Variants in CFAP92 observed in about 807,000 individuals in gnomAD.
The protein encoded by CFAP92 is cilia and flagella associated protein 92 (putative), also known as uncharacterized protein CFAP92.
Under a neutral mutation model 106.3 loss-of-function variants are expected in CFAP92, and 86 were observed. That is an observed-to-expected ratio of 0.81 (90% confidence interval 0.68 to 0.97). The LOEUF (loss-of-function observed/expected upper bound fraction) is 0.97, where lower values mean the gene tolerates loss of function less well. Ranked by LOEUF, CFAP92 falls within the 50% of genes least tolerant of loss-of-function variation. The pLI is 0.00. For missense variants in CFAP92, 1,204 were observed against 1,283.8 expected (o/e 0.94, Z 0.95); for synonymous variants, 477 against 506.4 (o/e 0.94, Z 0.78).
At chr3:128,957,423 T>C (rs115241542) in intron 9 of CFAP92, among the ~76,000 whole-genome samples, 1,631 of 152,294 alleles carry the variant, frequency 0.011, 10 homozygotes, top group Admixed American at 0.019. Flanking sequence ...TACCAAGAGA[T>C]TGCGAAAAGT....
At chr3:128,990,299 C>G (rs1311832803) in intron 2 of CFAP92, among the ~76,000 whole-genome samples, 4 of 152,212 alleles carry the variant, frequency 2.6e-5, no homozygotes, top group Non-Finnish European at 5.9e-5. Flanking sequence ...GAGTTCCAGA[C>G]CAGCCTGGCC....
At chr3:128,953,146 T>C (rs1043956285) in intron 9 of CFAP92, among the ~76,000 whole-genome samples, 1 of 151,910 alleles carries the variant, frequency 6.6e-6, no homozygotes, top group Non-Finnish European at 1.5e-5. Context: ...AAAAACTCAA[T>C]AGATGGACTC....
the CFAP92 span, among the ~76,000 whole-genome samples, chr3:129,023,234 T>C: frequency 3.7e-3 from 558 of 152,274 alleles, 4 homozygotes; most frequent in Admixed American, 5.4e-3. Context: ...AGAGTTTGAT[T>C]TCTTCACATA....
At chr3:128,986,919 G>A (rs970852421) in intron 4 of CFAP92, among the ~76,000 whole-genome samples, 5 of 152,298 alleles carry the variant, frequency 3.3e-5, no homozygotes, top group South Asian at 2.1e-4. Context: ...CCAGTACTTC[G>A]AGAGGCCAAG....
intron 2 of CFAP92, chr3:128,991,846 C>T (rs565856726): frequency 7.2e-4 from 714 of 987,600 alleles, no homozygotes; most frequent in Non-Finnish European, 8.2e-4. Context: ...TTCAAGTAAG[C>T]AGATGAAAAC....
chr3:128,978,139 G>A lies in CFAP92; in HGVS notation c.714C>T (p.Gly238=), dbSNP rs771458505. ...CTCTGACAATGTTGGTATTCTCAAT[G>A]CCCTGTTCAGATAATTTTCTCTGAT... ...VLNQRKLSEQ[G]IENTNIVREE... is the part of the protein sequence containing the mutation. Residue 238 remains glycine, a synonymous_variant, in exon 5 of 16, where the codon GGC becomes GGT. Coordinates refer to ENST00000645291, the MANE Select transcript of CFAP92 (RefSeq NM_001394090.1). 3.7e-6 allele frequency: 6 copies of A among 1,613,774 alleles called. No homozygotes were observed. The highest frequency in any genetic ancestry group is 5.1e-6 in the Non-Finnish European group (6 of 1,179,778).
intron 12 of CFAP92, among the ~76,000 whole-genome samples, chr3:128,932,336 CATCTT>C (rs1340603548): frequency 3.3e-5 from 5 of 151,478 alleles, no homozygotes; most frequent in African/African-American, 1.2e-4. Flanking sequence ...GTTGCTTGGA[CATCTT>C]ATGACACTTA....
rs755898438 is a variant in CFAP92 at position 128,993,180 on chromosome 3, CTGGCCT to C, written c.119_124del (p.Lys40_Ala41del). 1 of 1,614,076 alleles carries C rather than the reference CTGGCCT, an allele frequency of 6.2e-7. No individual in the cohort carries two copies. The highest frequency in any genetic ancestry group is 2.2e-5 in the East Asian group (1 of 44,882). On this transcript the variant is annotated inframe_deletion, in exon 2 of 16. Transcript: ENST00000645291. Reference sequence around the variant, plus strand: ...GCGGTCAGAGTCAGACTCCTGGGCCCTGGCCTTGGCCTTCAGGTGTTCCTCCACGTC... The same window carrying C: ...GCGGTCAGAGTCAGACTCCTGGGCCCTGGCCTTCAGGTGTTCCTCCACGTC...
At position 128,913,210 on chromosome 3, in the gene CFAP92, C is replaced by T. The variant is rs974738430; in HGVS notation, c.3280+1909G>A. 4.8e-5 allele frequency: 18 copies of T among 376,360 alleles called. No individual in the cohort carries two copies. The East Asian group carries it at 1.3e-3, about 27-fold the overall frequency. 23.3% of individuals were successfully genotyped at this position (376,360 alleles called of 1,614,324 possible). On this transcript the variant is annotated intron_variant, in intron 15 of 15. Coordinates refer to ENST00000645291, the MANE Select transcript of CFAP92 (RefSeq NM_001394090.1). The stretch of plus-strand genomic sequence containing the variant: ...CACCCTTTGGTGATGGCCTCGGGTC[C>T]CCTTTGTCCTCACCCTGCAAGGAGG...
At chr3:128,953,286 T>G (rs558420297) in intron 9 of CFAP92, among the ~76,000 whole-genome samples, 15 of 150,878 alleles carry the variant, frequency 9.9e-5, no homozygotes, top group African/African-American at 3.7e-4. Flanking sequence ...GAGGCTGAGG[T>G]GGGTAGATCA....
intron 12 of CFAP92, among the ~76,000 whole-genome samples, chr3:128,924,557 G>A (rs1937534595): frequency 7.1e-6 from 1 of 141,474 alleles, no homozygotes. Flanking sequence ...TGATTCTCCT[G>A]CCTCAGCCTC....
At chr3:128,922,384 A>T (rs1057361879) in intron 12 of CFAP92, among the ~76,000 whole-genome samples, 5 of 152,140 alleles carry the variant, frequency 3.3e-5, no homozygotes, top group Non-Finnish European at 7.4e-5. Context: ...TCCTCGACTC[A>T]GTGGTCTTCT....
chr3:128,989,530 G>A (rs1944082980), intron 2 of CFAP92, among the ~76,000 whole-genome samples: 1 of 152,086 alleles, frequency 6.6e-6, no homozygotes, highest in Non-Finnish European at 1.5e-5. Context: ...GGTGGATAGG[G>A]TGACAGGATG....
Position 128,945,806 on chromosome 3 carries a change from A to AC in CFAP92, c.1522dup (p.Val508GlyfsTer47), listed in dbSNP as rs774361955. On this transcript the variant is annotated frameshift_variant, in exon 10 of 16. Transcript: ENST00000645291. LOFTEE classifies it high-confidence loss of function. ...GCGGTCCCGGTCGTGAACTTCCACCACCATGGGGGGGCCCTCCAGGTATTC... is the reference window on the plus strand; with the variant it reads ...GCGGTCCCGGTCGTGAACTTCCACCACCCATGGGGGGGCCCTCCAGGTATTC... 6.6e-7 allele frequency: 1 copy of AC among 1,524,110 alleles called. No homozygotes were observed. Among genetic ancestry groups the AC allele is most frequent in the South Asian group, 1.2e-5 (1 of 81,842 alleles). 94.4% of individuals were successfully genotyped at this position (1,524,110 alleles called of 1,614,324 possible).
chr3:128,939,863 T>C (rs1043696701), intron 10 of CFAP92, among the ~76,000 whole-genome samples: 2 of 152,214 alleles, frequency 1.3e-5, no homozygotes, highest in African/African-American at 4.8e-5. Context: ...CCTATGAGAA[T>C]CTAATGCCAC....
At chr3:129,022,642 G>A in the CFAP92 span, among the ~76,000 whole-genome samples, 4 of 152,200 alleles carry the variant, frequency 2.6e-5, no homozygotes, top group Non-Finnish European at 5.9e-5. Context: ...GGACTCTGGG[G>A]TCTGCCAGGA....
chr3:128,922,646 A>G (rs950337964), intron 12 of CFAP92, among the ~76,000 whole-genome samples: 3 of 152,228 alleles, frequency 2.0e-5, no homozygotes, highest in African/African-American at 4.8e-5. Flanking sequence ...GGCCCAAACA[A>G]AAGACTTCCA....
Position 128,945,830 on chromosome 3 carries a change from T to A in CFAP92, c.1499A>T (p.Glu500Val). 3.3e-6 allele frequency: 5 copies of A among 1,515,948 alleles called. No homozygotes were observed. The highest frequency in any genetic ancestry group is 1.7e-4 in the Middle Eastern group (1 of 5,848). The allele number at this position is 1,515,948 out of a possible 1,614,324, so 93.9% of individuals were successfully genotyped here. Residue 500 changes from glutamate to valine, a missense_variant, in exon 10 of 16, where the codon GAA becomes GTA. Glu to Val is a moderately radical substitution (Grantham distance 121). Transcript: ENST00000645291. ...LGALHPSDLREYLEGPPMVVE... is the reference protein window; with the variant it reads ...LGALHPSDLRVYLEGPPMVVE... ...CACCATGGGGGGGCCCTCCAGGTATTCCCTTAGGTCACTGGGGTGCAGTGC... is the reference window on the plus strand; with the variant it reads ...CACCATGGGGGGGCCCTCCAGGTATACCCTTAGGTCACTGGGGTGCAGTGC...
At chr3:129,024,634 G>A in the CFAP92 span, among the ~76,000 whole-genome samples, 1 of 152,178 alleles carries the variant, frequency 6.6e-6, no homozygotes, top group African/African-American at 2.4e-5. Flanking sequence ...AGGCTTCTTG[G>A]TGCACCGTTC....
Sources: gnomAD v4.1 joint callset for allele counts (sites outside exome capture counted in the v4.1 genomes callset) on GRCh38, gnomAD v4.1.1 for gene constraint, MANE v1.5 for transcripts, NCBI Gene and HGNC (gene_info 2026-07-23, HGNC 2026-07-21) for gene names.